DPF3: variants seen among roughly 807,000 people sequenced by gnomAD.
DPF3 encodes the protein double PHD fingers 3.
In DPF3, 18 loss-of-function variants were observed where a neutral mutation model predicts 56.8. That is an observed-to-expected ratio of 0.32 (90% CI 0.22 to 0.47). The LOEUF is 0.47. DPF3 is among the 20% of genes least tolerant of loss of function. The probability of loss-of-function intolerance (pLI) is 1.00; values close to 1 mark genes in which losing one functional copy is unlikely to be tolerated. For missense variants in DPF3, 403 were observed against 488.8 expected (o/e 0.82, Z 1.65); for synonymous variants, 188 against 180.2 (o/e 1.04, Z -0.35).
intron 1 of DPF3, among the ~76,000 whole-genome samples, chr14:72,826,298 G>A (rs934247750): frequency 4.6e-5 from 7 of 151,318 alleles, no homozygotes; most frequent in African/African-American, 9.8e-5. Context: ...TTAATGGCCC[G>A]TAAACAATAG....
intron 8 of DPF3, among the ~76,000 whole-genome samples, chr14:72,645,295 A>AT (rs202051547): frequency 0.034 from 4,838 of 142,564 alleles, 156 homozygotes; most frequent in African/African-American, 0.083. Flanking sequence ...CTAAGAAGGG[A>AT]TTTTTTTTTT....
chr14:72,852,618 C>G (rs1263247004), intron 1 of DPF3, among the ~76,000 whole-genome samples: 1 of 152,234 alleles, frequency 6.6e-6, no homozygotes, highest in Non-Finnish European at 1.5e-5. Flanking sequence ...CACACATTCT[C>G]ACGTTATACA....
At chr14:72,800,388 G>GGATA (rs1892825736) in intron 1 of DPF3, among the ~76,000 whole-genome samples, 1 of 14,818 alleles carries the variant, frequency 6.7e-5, no homozygotes, top group Non-Finnish European at 3.0e-3. Context: ...ATGGATGGAT[G>GGATA]GATGGATGGA....
At chr14:72,862,214 G>C (rs557765291) in intron 1 of DPF3, among the ~76,000 whole-genome samples, 4 of 152,144 alleles carry the variant, frequency 2.6e-5, no homozygotes, top group African/African-American at 7.2e-5. Context: ...AACCCCCCCT[G>C]CATGCTATCA....
intron 8 of DPF3, among the ~76,000 whole-genome samples, chr14:72,632,313 A>G (rs959075029): frequency 3.3e-5 from 5 of 152,216 alleles, no homozygotes; most frequent in African/African-American, 1.2e-4. Context: ...GTATTTGTAC[A>G]TGTAAAACTA....
chr14:72,792,599 T>C (rs1892484533), intron 1 of DPF3, among the ~76,000 whole-genome samples: 1 of 152,116 alleles, frequency 6.6e-6, no homozygotes. Flanking sequence ...CCTCCCGACC[T>C]TGGTCCACAT....
At chr14:72,805,137 C>T (rs1211297236) in intron 1 of DPF3, among the ~76,000 whole-genome samples, 2 of 151,722 alleles carry the variant, frequency 1.3e-5, no homozygotes, top group African/African-American at 2.4e-5. Flanking sequence ...CCTGCCTATA[C>T]AGGCCATGAC....
intron 3 of DPF3, among the ~76,000 whole-genome samples, chr14:72,743,410 G>A (rs955803820): frequency 6.6e-6 from 1 of 152,024 alleles, no homozygotes; most frequent in African/African-American, 2.4e-5. Flanking sequence ...AGGATCCCCT[G>A]GGAAATTAGC....
chr14:72,831,859 G>A (rs1123135), intron 1 of DPF3, among the ~76,000 whole-genome samples: 19,101 of 152,238 alleles, frequency 0.13, 1,423 homozygotes, highest in Admixed American at 0.19. Context: ...CTAAGCAAAG[G>A]GGATATTGGT....
At chr14:72,838,429 G>A (rs555436373) in intron 1 of DPF3, among the ~76,000 whole-genome samples, 59 of 152,334 alleles carry the variant, frequency 3.9e-4, no homozygotes, top group Non-Finnish European at 7.2e-4. Context: ...AGGAGGCGGA[G>A]GTTGCCATGA....
rs545558219 is a variant in DPF3, at chr14:72,629,851, C to T, written c.872-115G>A. 2.1e-4 allele frequency: 179 copies of T among 859,564 alleles called. 1 individual carries two copies. The highest frequency in any genetic ancestry group is 1.2e-4 in the Non-Finnish European group (67 of 549,596). The allele number at this position is 859,564 out of a possible 1,614,324, so 53.2% of individuals were successfully genotyped here. On this transcript the variant is annotated intron_variant, in intron 8 of 10. Coordinates refer to ENST00000556509, the MANE Select transcript of DPF3 (RefSeq NM_001280542.3). ...GTGCAGGCAGGGCAGGGTAGCATGA[C>T]GTAGGGAAAAAAATGGGGACCCAAA...
intron 1 of DPF3, among the ~76,000 whole-genome samples, chr14:72,841,207 A>G (rs1470189251): frequency 6.6e-6 from 1 of 152,168 alleles, no homozygotes; most frequent in Non-Finnish European, 1.5e-5. Flanking sequence ...AACAGATTCA[A>G]TTAAGTTCCC....
intron 10 of DPF3, 145 bp from the exon 11 acceptor site, chr14:72,619,512 T>G (rs774213519): frequency 1.1e-6 from 1 of 895,738 alleles, no homozygotes; most frequent in Non-Finnish European, 1.7e-6. Flanking sequence ...CGTGCCAGAG[T>G]CTGTGGCTCA....
At chr14:72,819,818 G>A (rs7145902) in intron 1 of DPF3, among the ~76,000 whole-genome samples, 2,090 of 152,162 alleles carry the variant, frequency 0.014, 46 homozygotes, top group African/African-American at 0.048. Context: ...TGTACCTGTG[G>A]TCCCAGCTAC....
chr14:72,712,116 G>A (rs760410359), intron 6 of DPF3, among the ~76,000 whole-genome samples: 8 of 152,002 alleles, frequency 5.3e-5, no homozygotes, highest in Non-Finnish European at 1.2e-4. Context: ...GAGGCAGCAC[G>A]CATGCGGACA....
chr14:72,682,630 C>T (rs1400754553), intron 7 of DPF3, among the ~76,000 whole-genome samples: 1 of 152,184 alleles, frequency 6.6e-6, no homozygotes, highest in East Asian at 1.9e-4. Context: ...GCAAGGGGAC[C>T]AGCATTTTCT....
intron 1 of DPF3, among the ~76,000 whole-genome samples, chr14:72,780,373 A>G (rs928934131): frequency 1.3e-5 from 2 of 152,088 alleles, no homozygotes; most frequent in Admixed American, 1.3e-4. Context: ...TGCTCACTTA[A>G]TTAGATTGGA....
At chr14:72,697,724 T>A (rs917425894) in intron 6 of DPF3, among the ~76,000 whole-genome samples, 1 of 152,164 alleles carries the variant, frequency 6.6e-6, no homozygotes, top group Non-Finnish European at 1.5e-5. Context: ...AGCGAGGGGC[T>A]ATTTCAATTG....
intron 8 of DPF3, 106 bp from the exon 9 acceptor site, chr14:72,629,842 G>A (rs958902506): frequency 5.0e-5 from 45 of 908,232 alleles, no homozygotes; most frequent in Non-Finnish European, 7.2e-5. Flanking sequence ...GCAGGGCAGG[G>A]TAGCATGACG....
Sources: gnomAD v4.1 joint callset for allele counts (sites outside exome capture counted in the v4.1 genomes callset) on GRCh38, gnomAD v4.1.1 for gene constraint, MANE v1.5 for transcripts, NCBI Gene and HGNC (gene_info 2026-07-23, HGNC 2026-07-21) for gene names.